The following SLC7A4 variants were observed in gnomAD, a reference collection of about 807,000 sequenced individuals.
The protein encoded by SLC7A4 is cationic amino acid transporter 4.
A neutral mutation model predicts 37.8 loss-of-function variants in SLC7A4; 30 were observed. The observed-to-expected ratio is 0.79, with a 90% CI of 0.59 to 1.08. The LOEUF (loss-of-function observed/expected upper bound fraction) is 1.08, where lower values mean the gene tolerates loss of function less well. Ranked by LOEUF, SLC7A4 falls within the 50% of genes least tolerant of loss-of-function variation. The pLI is 0.00. For synonymous variants in SLC7A4, 359 were observed against 376.5 expected, an observed-to-expected ratio of 0.95 and a Z score of 0.54; for missense variants, 839 against 843.2, an observed-to-expected ratio of 1.00 and a Z score of 0.06.
In SLC7A4 at chr22:21,031,081, G is replaced by A. The variant is rs1263860788; in HGVS notation, c.732C>T (p.Cys244=). 4 of 1,614,006 alleles carry A rather than the reference G, an allele frequency of 2.5e-6. No individual in the cohort carries two copies. The highest frequency in any genetic ancestry group is 3.3e-5 in the Admixed American group (2 of 60,012). ...CGTCGAAGCCCACGAAAGCATAGAA[G>A]CAGGAGGCAGTGCCGGCCATGACGC... The part of the protein sequence containing the change: ...FSGVMAGTAS[C]FYAFVGFDVI... The change falls in exon 2 of 5, where the codon TGC becomes TGT. Residue 244 remains cysteine (C), a synonymous_variant. Coordinates refer to ENST00000382932, the MANE Select transcript of SLC7A4 (RefSeq NM_004173.3).
At position 21,030,963 on chromosome 22, in the gene SLC7A4, T is replaced by G; in HGVS notation, c.850A>C (p.Ile284Leu). ...AGGGTTAGCACGGTGGAGACAAGGATGTAGGCACCAGCTGCAATGGCAAGC... is the reference window on the plus strand; with the variant it reads ...AGGGTTAGCACGGTGGAGACAAGGAGGTAGGCACCAGCTGCAATGGCAAGC... ...ISLAIAAGAY[I>L]LVSTVLTLMV... The change falls in exon 2 of 5, where the codon ATC (isoleucine) becomes CTC (leucine). Residue 284 changes from isoleucine (I) to leucine (L), a missense_variant. Coordinates refer to ENST00000382932, the MANE Select transcript of SLC7A4 (RefSeq NM_004173.3). 1 of 1,613,914 alleles carries G rather than the reference T, an allele frequency of 6.2e-7. No homozygotes were observed. The highest frequency in any genetic ancestry group is 8.5e-7 in the Non-Finnish European group (1 of 1,179,952).
rs547092537 is a variant in SLC7A4, at chr22:21,031,754, C to A, written c.59G>T (p.Arg20Leu). 2 of 1,579,794 alleles carry A rather than the reference C, an allele frequency of 1.3e-6. No individual in the cohort carries two copies. The highest frequency in any genetic ancestry group is 2.3e-5 in the East Asian group (1 of 44,172). Residue 20 changes from arginine to leucine, a missense_variant, in exon 2 of 5, where the codon CGC becomes CTC. Transcript: ENST00000382932. The part of the protein sequence containing the change: ...SLARLCQKLN[R>L]LKPLEDSTME... ...GGTGGAGTCCTCCAGCGGCTTCAGG[C>A]GGTTCAGCTTCTGGCATAAGCGTGC...
Position 21,031,373 on chromosome 22 carries a change from TG to T in SLC7A4, c.439del (p.His147ThrfsTer144). ...WSGYLDSMFS[H>X]SIRNFTETHV... ...GGTCTCAGTGAAGTTGCGGATGCTG[TG>T]GCTGAACATAGAGTCCAGGTAGCCA... On this transcript the variant is annotated frameshift_variant, in exon 2 of 5. Coordinates refer to ENST00000382932, the MANE Select transcript of SLC7A4 (RefSeq NM_004173.3). LOFTEE classifies it high-confidence loss of function. The T allele has an allele frequency of 6.2e-7, 1 of 1,610,928 alleles. No homozygotes were observed. The highest frequency in any genetic ancestry group is 8.5e-7 in the Non-Finnish European group (1 of 1,179,042).
Position 21,030,084 on chromosome 22 carries a change from G to A in SLC7A4, c.1250C>T (p.Ser417Phe). The change falls in exon 3 of 5, where the codon TCT (serine) becomes TTT (phenylalanine). Residue 417 changes from serine to phenylalanine, a missense_variant. Transcript: ENST00000382932. ...TGGGCCTGGGGAGCTGGGCGGGGAA[G>A]ACTTCTGGAAGCGCAGCACAATGAT... is the stretch of plus-strand genomic sequence containing the variant. ...TSIIVLRFQK[S>F]SPPSSPGPAS... 6.2e-7 allele frequency: 1 copy of A among 1,612,568 alleles called. No homozygotes were observed. The highest frequency in any genetic ancestry group is 8.5e-7 in the Non-Finnish European group (1 of 1,179,368).
At position 21,031,437 on chromosome 22, in the gene SLC7A4, A is replaced by G. The variant is rs2520656; in HGVS notation, c.376T>C (p.Tyr126His). ...FLIGWNVLLEYIIGGAAVARA... is the reference protein window; with the variant it reads ...FLIGWNVLLEHIIGGAAVARA... ...GCCACGGCGGCGCCACCGATGATGT[A>G]TTCGAGGAGAACATTCCAGCCGATG... The change falls in exon 2 of 5, where the codon TAC becomes CAC. Residue 126 changes from tyrosine (Y) to histidine (H), a missense_variant. Transcript: ENST00000382932. 1.2e-6 allele frequency: 2 copies of G among 1,601,520 alleles called. No individual in the cohort carries two copies. The highest frequency in any genetic ancestry group is 1.1e-5 in the South Asian group (1 of 88,766).
chr22:21,029,502 C>G (rs1928804539), intron 3 of SLC7A4, 58 bp from the exon 4 acceptor site: 2 of 1,380,946 alleles, frequency 1.4e-6, no homozygotes, highest in Admixed American at 1.7e-5. Context: ...TCTGCCAGCC[C>G]AGGGCTCACT....
In SLC7A4 at chr22:21,030,180, A is replaced by G. The variant is rs1375621449; in HGVS notation, c.1154T>C (p.Leu385Pro). 3.7e-6 allele frequency: 6 copies of G among 1,613,964 alleles called. No homozygotes were observed. Among genetic ancestry groups the G allele is most frequent in the Non-Finnish European group, 4.2e-6 (5 of 1,180,010 alleles). Reference sequence around the variant, plus strand: ...GAACTGAACCAGCGACTCCAGGTCCAGCAGCAGTGCCAGGAAGGCCGTGAG... The same window carrying G: ...GAACTGAACCAGCGACTCCAGGTCCGGCAGCAGTGCCAGGAAGGCCGTGAG... ...GLLTAFLALL[L>P]DLESLVQFLS... The change falls in exon 3 of 5, where the codon CTG (leucine) becomes CCG (proline). Residue 385 changes from leucine (L) to proline (P), a missense_variant. Leu to Pro is a moderately conservative substitution (Grantham distance 98). Coordinates refer to ENST00000382932, the MANE Select transcript of SLC7A4 (RefSeq NM_004173.3).
rs777556285 is a variant in SLC7A4 at position 21,029,859 on chromosome 22, A to G, written c.1475T>C (p.Ile492Thr). Residue 492 changes from isoleucine to threonine, a missense_variant, in exon 3 of 5, where the codon ATA (isoleucine) becomes ACA (threonine). Coordinates refer to ENST00000382932, the MANE Select transcript of SLC7A4 (RefSeq NM_004173.3). The stretch of plus-strand genomic sequence containing the variant: ...GTTCCCAAAGACAAGCACGCAGCCT[A>G]TGGTGATGGCTGAGGCCAACATAAC... ...LGVMLASAITIGCVLVFGNST... is the reference protein window; with the variant it reads ...LGVMLASAITTGCVLVFGNST... 4.3e-6 allele frequency: 7 copies of G among 1,613,700 alleles called. No individual in the cohort carries two copies. In the African/African-American group the frequency reaches 5.3e-5, roughly 12 times the overall value.
chr22:21,031,123 T>G lies in SLC7A4; in HGVS notation c.690A>C (p.Ala230=), dbSNP rs1601792153. ...HNWSADEGGF[A]PFGFSGVMAG... is the part of the protein sequence containing the mutation. Reference sequence around the variant, plus strand: ...CCATGACGCCGGAGAAGCCGAAGGGTGCAAAGCCGCCTTCGTCAGCGCTCC... The same window carrying G: ...CCATGACGCCGGAGAAGCCGAAGGGGGCAAAGCCGCCTTCGTCAGCGCTCC... The change falls in exon 2 of 5, where the codon GCA becomes GCC. Residue 230 remains alanine, a synonymous_variant. Coordinates refer to ENST00000382932, the MANE Select transcript of SLC7A4 (RefSeq NM_004173.3). The G allele has an allele frequency of 6.2e-7, 1 of 1,613,486 alleles. No individual in the cohort carries two copies. Among genetic ancestry groups the G allele is most frequent in the East Asian group, 2.2e-5 (1 of 44,858 alleles).
rs55700350 is a variant in SLC7A4 at position 21,029,140 on chromosome 22, A to T, written c.1823T>A (p.Phe608Tyr). Residue 608 changes from phenylalanine to tyrosine, a missense_variant, in exon 5 of 5, where the codon TTC becomes TAC. By Grantham distance (22) the Phe-to-Tyr change is conservative (BLOSUM62 3). Coordinates refer to ENST00000382932, the MANE Select transcript of SLC7A4 (RefSeq NM_004173.3). The part of the protein sequence containing the change: ...PGLNSTHYVV[F>Y]PRGSLEETVQ... Reference sequence around the variant, plus strand: ...TGTCTCCTCCAGGCTGCCCCTGGGGAATACCACGTAGTGTGTGGAGTTCAG... The same window carrying T: ...TGTCTCCTCCAGGCTGCCCCTGGGGTATACCACGTAGTGTGTGGAGTTCAG... 1,599 of 1,613,866 alleles carry T rather than the reference A, an allele frequency of 9.9e-4. 2 individuals are homozygous for T. The highest frequency in any genetic ancestry group is 1.5e-3 in the Admixed American group (91 of 60,018).
chr22:21,029,726 C>T lies in SLC7A4; in HGVS notation c.1608G>A (p.Arg536=), dbSNP rs1478337902. 1 of 1,611,862 alleles carries T rather than the reference C, an allele frequency of 6.2e-7. No individual in the cohort carries two copies. The highest frequency in any genetic ancestry group is 8.5e-7 in the Non-Finnish European group (1 of 1,179,454). ...GGGGAGGTACCTGAAATAAGTCTTC[C>T]CGATACTGTTGCTGGTGAGCCCCCA... ...LVLGAHQQQY[R]EDLFQIPMVP... The change falls in exon 3 of 5, where the codon CGG becomes CGA. Residue 536 remains arginine (R), a synonymous_variant. Coordinates refer to ENST00000382932, the MANE Select transcript of SLC7A4 (RefSeq NM_004173.3).
In SLC7A4 at chr22:21,029,831, C is replaced by G. The variant is rs761948595; in HGVS notation, c.1503G>C (p.Ser501=). The part of the protein sequence containing the change: ...TIGCVLVFGN[S]TLHLPHWGYI... ...AACCCCAGTGTGGGAGGTGCAGGGT[C>G]GAGTTCCCAAAGACAAGCACGCAGC... The change falls in exon 3 of 5, where the codon TCG becomes TCC. Residue 501 remains serine, a synonymous_variant. Transcript: ENST00000382932. 3 of 1,613,640 alleles carry G rather than the reference C, an allele frequency of 1.9e-6. No individual in the cohort carries two copies. The highest frequency in any genetic ancestry group is 2.5e-6 in the Non-Finnish European group (3 of 1,179,982).
intron 1 of SLC7A4, 38 bp from the exon 2 acceptor site, chr22:21,031,890 G>A (rs556143477): frequency 3.4e-5 from 47 of 1,388,892 alleles, no homozygotes; most frequent in African/African-American, 3.0e-4. Flanking sequence ...ATGCGTAGCC[G>A]GGGCCTGACC....
rs763461059 is a variant in SLC7A4 at position 21,029,741 on chromosome 22, G to T, written c.1593C>A (p.His531Gln). Residue 531 changes from histidine to glutamine, a missense_variant, in exon 3 of 5, where the codon CAC becomes CAA. His to Gln is a conservative substitution (Grantham distance 24, BLOSUM62 0). Transcript: ENST00000382932. ...ATAAGTCTTCCCGATACTGTTGCTGGTGAGCCCCCAGGACAAGGAGGCTGA... is the reference window on the plus strand; with the variant it reads ...ATAAGTCTTCCCGATACTGTTGCTGTTGAGCCCCCAGGACAAGGAGGCTGA... ...FLLSLLVLGA[H>Q]QQQYREDLFQ... The T allele has an allele frequency of 1.7e-5, 28 of 1,612,976 alleles. 1 individual carries two copies. The South Asian group carries it at 2.7e-4, about 16-fold the overall frequency.
chr22:21,029,879 C>G lies in SLC7A4; in HGVS notation c.1455G>C (p.Met485Ile). 1 of 1,613,844 alleles carries G rather than the reference C, an allele frequency of 6.2e-7. No homozygotes were observed. The highest frequency in any genetic ancestry group is 2.2e-5 in the East Asian group (1 of 44,872). ...AGCCTATGGTGATGGCTGAGGCCAA[C>G]ATAACGCCAAGCGCCCAAGTCACCA... ...GAVVTWALGV[M>I]LASAITIGCV... Residue 485 changes from methionine to isoleucine, a missense_variant, in exon 3 of 5, where the codon ATG becomes ATC. Physicochemically the swap from Met to Ile is conservative, Grantham distance 10 (BLOSUM62 1). Coordinates refer to ENST00000382932, the MANE Select transcript of SLC7A4 (RefSeq NM_004173.3).
Position 21,031,090 on chromosome 22 carries a change from A to G in SLC7A4, c.723T>C (p.Thr241=). The change falls in exon 2 of 5, where the codon ACT becomes ACC. Residue 241 remains threonine, a synonymous_variant. Coordinates refer to ENST00000382932, the MANE Select transcript of SLC7A4 (RefSeq NM_004173.3). ...CCACGAAAGCATAGAAGCAGGAGGC[A>G]GTGCCGGCCATGACGCCGGAGAAGC... ...PFGFSGVMAG[T]ASCFYAFVGF... 1 of 1,614,120 alleles carries G rather than the reference A, an allele frequency of 6.2e-7. No homozygotes were observed. The highest frequency in any genetic ancestry group is 8.5e-7 in the Non-Finnish European group (1 of 1,180,024).
In SLC7A4 at chr22:21,029,386, A is replaced by C. The variant is rs762610550; in HGVS notation, c.1682T>G (p.Leu561Arg). ...CACCCAGGTCAGATAGCTAAGTTTC[A>C]GCATGAGGCAGATGTTGAGGACGAT... ...LSIVLNICLM[L>R]KLSYLTWVRF... Residue 561 changes from leucine to arginine, a missense_variant, in exon 4 of 5, where the codon CTG becomes CGG. Physicochemically the swap from Leu to Arg is moderately radical, Grantham distance 102 (BLOSUM62 -2). Coordinates refer to ENST00000382932, the MANE Select transcript of SLC7A4 (RefSeq NM_004173.3). The C allele has an allele frequency of 5.0e-6, 8 of 1,613,858 alleles. No individual in the cohort carries two copies. The South Asian group carries it at 8.8e-5, about 18-fold the overall frequency.
chr22:21,029,382 T>C lies in SLC7A4; in HGVS notation c.1686A>G (p.Lys562=). The C allele has an allele frequency of 1.9e-6, 3 of 1,613,786 alleles. No individual in the cohort carries two copies. Among genetic ancestry groups the C allele is most frequent in the Non-Finnish European group, 2.5e-6 (3 of 1,180,002 alleles). Residue 562 remains lysine, a synonymous_variant, in exon 4 of 5, where the codon AAA becomes AAG. Coordinates refer to ENST00000382932, the MANE Select transcript of SLC7A4 (RefSeq NM_004173.3). ...SIVLNICLML[K]LSYLTWVRFS... is the part of the protein sequence containing the mutation. Reference sequence around the variant, plus strand: ...AGCGCACCCAGGTCAGATAGCTAAGTTTCAGCATGAGGCAGATGTTGAGGA... The same window carrying C: ...AGCGCACCCAGGTCAGATAGCTAAGCTTCAGCATGAGGCAGATGTTGAGGA...
rs141822648 is a variant in SLC7A4 at position 21,029,917 on chromosome 22, T to C, written c.1417A>G (p.Ser473Gly). ...GCCCAAGTCACCACTGCTCCAGGGC[T>C]GTACCCATCCAAGAAGCCCAGGTAG... ...RPYLGFLDGY[S>G]PGAVVTWALG... is the part of the protein sequence containing the mutation. The change falls in exon 3 of 5, where the codon AGC (serine) becomes GGC (glycine). Residue 473 changes from serine to glycine, a missense_variant. Transcript: ENST00000382932. 2,394 of 1,613,854 alleles carry C rather than the reference T, an allele frequency of 1.5e-3. 5 individuals carry two copies. Among genetic ancestry groups the C allele is most frequent in the East Asian group, 1.9e-3 (87 of 44,884 alleles).
Sources: allele counts gnomAD v4.1 joint callset, GRCh38; gene constraint gnomAD v4.1.1; transcripts MANE v1.5; gene names NCBI Gene and HGNC (gene_info 2026-07-23, HGNC 2026-07-21).